The following ZNF616 variants were observed in gnomAD, a reference collection of about 807,000 sequenced individuals.
ZNF616 encodes zinc finger protein 616.
In ZNF616, 5 loss-of-function variants were observed where a neutral mutation model predicts 7.6. The ratio of observed to expected loss-of-function variants is 0.66; its 90% CI spans 0.34 to 1.38. The LOEUF (loss-of-function observed/expected upper bound fraction) is 1.38, where lower values mean the gene tolerates loss of function less well. Among genes scored for constraint, ZNF616 ranks in the 40% most tolerant of loss-of-function variants. The pLI is 0.04. For synonymous variants in ZNF616, 319 were observed against 317.2 expected (o/e 1.01, Z -0.06); for missense variants, 913 against 948.3 (o/e 0.96, Z 0.49).
Position 52,115,639 on chromosome 19 carries a change from C to A in ZNF616, c.1525G>T (p.Ala509Ser), listed in dbSNP as rs781369510. The A allele has an allele frequency of 6.2e-7, 1 of 1,613,600 alleles. No homozygotes were observed. Among genetic ancestry groups the A allele is most frequent in the East Asian group, 2.2e-5 (1 of 44,754 alleles). Reference protein sequence around the residue: ...GKVFSQHSRLAVHRRIHTGEK... With the variant: ...GKVFSQHSRLSVHRRIHTGEK... ...CCAGTATGAATTCTCCGATGCACTG[C>A]AAGACGTGAATGTTGACTGAAGACC... is the stretch of plus-strand genomic sequence containing the variant. Residue 509 changes from alanine to serine, a missense_variant, in exon 4 of 4, where the codon GCA (alanine) becomes TCA (serine). Ala to Ser is a moderately conservative substitution (Grantham distance 99). Coordinates refer to ENST00000600228, the MANE Select transcript of ZNF616 (RefSeq NM_178523.5).
At chr19:52,123,890 G>A (rs780789620) in intron 3 of ZNF616, 33 bp downstream of exon 3, 13 of 1,612,852 alleles carry the variant, frequency 8.1e-6, no homozygotes, top group African/African-American at 5.3e-5. Flanking sequence ...GCACAAGGGC[G>A]AATCTGAACT....
chr19:52,129,150 C>T (rs1350269269), intron 2 of ZNF616, among the ~76,000 whole-genome samples: 6 of 151,654 alleles, frequency 4.0e-5, no homozygotes, highest in African/African-American at 1.5e-4. Context: ...TGGTGGTGCA[C>T]GCCTGTAATC....
chr19:52,126,918 G>A (rs1365360995), intron 2 of ZNF616, among the ~76,000 whole-genome samples: 1 of 151,926 alleles, frequency 6.6e-6, no homozygotes, highest in African/African-American at 2.4e-5. Flanking sequence ...CTTTACATAA[G>A]CAAACAAGCT....
chr19:52,117,865 T>C (rs2088838534), intron 3 of ZNF616, among the ~76,000 whole-genome samples: 2 of 152,076 alleles, frequency 1.3e-5, no homozygotes, highest in Non-Finnish European at 2.9e-5. Context: ...TAATACAGAA[T>C]AAAAAGTGGG....
chr19:52,120,831 C>G (rs988351169), intron 3 of ZNF616, among the ~76,000 whole-genome samples: 4 of 152,028 alleles, frequency 2.6e-5, no homozygotes, highest in African/African-American at 9.7e-5. Flanking sequence ...AGAAACATAA[C>G]TAAAGGGAGA....
At chr19:52,119,324 C>A (rs941239419) in intron 3 of ZNF616, among the ~76,000 whole-genome samples, 1 of 149,368 alleles carries the variant, frequency 6.7e-6, no homozygotes, top group Non-Finnish European at 1.5e-5. Context: ...TACAGTGAGC[C>A]GAGATCACAC....
intron 3 of ZNF616, among the ~76,000 whole-genome samples, chr19:52,122,004 G>C (rs886161097): frequency 2.0e-5 from 3 of 151,732 alleles, no homozygotes; most frequent in Non-Finnish European, 4.4e-5. Context: ...TGGGCTACAT[G>C]TATAATAAAG....
intron 2 of ZNF616, among the ~76,000 whole-genome samples, chr19:52,126,521 T>TA (rs1248365320): frequency 1.3e-5 from 2 of 149,728 alleles, no homozygotes; most frequent in East Asian, 3.9e-4. Flanking sequence ...TCTCCAAAAA[T>TA]AAAGAAAATG....
At chr19:52,127,979 G>A (rs375862825) in intron 2 of ZNF616, among the ~76,000 whole-genome samples, 2 of 152,132 alleles carry the variant, frequency 1.3e-5, no homozygotes, top group African/African-American at 4.8e-5. Context: ...TACAACTGTA[G>A]CTCCCCACGG....
At chr19:52,126,011 G>A (rs566783195) in intron 2 of ZNF616, among the ~76,000 whole-genome samples, 1 of 152,236 alleles carries the variant, frequency 6.6e-6, no homozygotes, top group South Asian at 2.1e-4. Flanking sequence ...AAAAAGCATG[G>A]GAAGTCTCCA....
intron 3 of ZNF616, among the ~76,000 whole-genome samples, chr19:52,121,357 G>T (rs185411702): frequency 2.6e-5 from 4 of 152,126 alleles, no homozygotes; most frequent in African/African-American, 7.2e-5. Flanking sequence ...TAAAACTAGA[G>T]ATCAACAGCA....
chr19:52,136,143 G>GC (rs779424257), intron 1 of ZNF616, among the ~76,000 whole-genome samples: 2 of 100,852 alleles, frequency 2.0e-5, no homozygotes, highest in African/African-American at 8.2e-5. Context: ...AAAAAAAAAA[G>GC]CGGGGGGGGG....
chr19:52,129,897 C>T (rs747369455), intron 2 of ZNF616, among the ~76,000 whole-genome samples: 11 of 152,058 alleles, frequency 7.2e-5, no homozygotes, highest in Admixed American at 2.6e-4. Flanking sequence ...ATTCTCCCGC[C>T]TCAGCCTCCT....
At chr19:52,118,997 C>A (rs1012212243) in intron 3 of ZNF616, among the ~76,000 whole-genome samples, 1 of 152,136 alleles carries the variant, frequency 6.6e-6, no homozygotes, top group Admixed American at 6.5e-5. Context: ...CAGGTCACCC[C>A]AAATACTAAG....
chr19:52,115,413 T>C lies in ZNF616; in HGVS notation c.1751A>G (p.Lys584Arg). The change falls in exon 4 of 4, where the codon AAG becomes AGG. Residue 584 changes from lysine (K) to arginine (R), a missense_variant. Coordinates refer to ENST00000600228, the MANE Select transcript of ZNF616 (RefSeq NM_178523.5). ...AAGATGTGAATACTGACTGTAGACC[T>C]TGCCGCATTCATTGCATTTGTAAGG... is the stretch of plus-strand genomic sequence containing the variant. The part of the protein sequence containing the change: ...EKPYKCNECG[K>R]VYSQYSHLVG... 6 of 1,614,064 alleles carry C rather than the reference T, an allele frequency of 3.7e-6. No homozygotes were observed. Among genetic ancestry groups the C allele is most frequent in the Non-Finnish European group, 5.1e-6 (6 of 1,180,022 alleles).
rs1403363987 is a variant in ZNF616 at position 52,116,613 on chromosome 19, GT to G, written c.550del (p.Thr184ArgfsTer45). The part of the protein sequence containing the change: ...CLVSPHIREK[T>X]YVCNECGKAF... ...TTTGCCACATTCATTACATACATACGTTTTTTCCCTAATGTGTGGAGAAACT... is the reference window on the plus strand; with the variant it reads ...TTTGCCACATTCATTACATACATACGTTTTTCCCTAATGTGTGGAGAAACT... On this transcript the variant is annotated frameshift_variant, in exon 4 of 4. Coordinates refer to ENST00000600228, the MANE Select transcript of ZNF616 (RefSeq NM_178523.5). LOFTEE classifies it low-confidence loss of function (END_TRUNC). 20 of 1,613,894 alleles carry G rather than the reference GT, an allele frequency of 1.2e-5. No individual in the cohort carries two copies. The highest frequency in any genetic ancestry group is 1.7e-5 in the Non-Finnish European group (20 of 1,179,990).
chr19:52,131,601 C>A (rs771613349), intron 1 of ZNF616, among the ~76,000 whole-genome samples: 1 of 152,180 alleles, frequency 6.6e-6, no homozygotes, highest in Non-Finnish European at 1.5e-5. Context: ...CAGACAACAC[C>A]TCATTCTTAA....
At chr19:52,127,258 T>C (rs2088917552) in intron 2 of ZNF616, among the ~76,000 whole-genome samples, 1 of 152,166 alleles carries the variant, frequency 6.6e-6, no homozygotes, top group African/African-American at 2.4e-5. Flanking sequence ...TTTCACCATG[T>C]TGGCCAGGCT....
At chr19:52,134,141 G>A (rs114196216) in intron 1 of ZNF616, among the ~76,000 whole-genome samples, 1,656 of 152,144 alleles carry the variant, frequency 0.011, 35 homozygotes, top group African/African-American at 0.038. Context: ...CATGCTAAAC[G>A]CCACATTAGC....
Sources: allele counts gnomAD v4.1 joint callset (sites outside exome capture counted in the v4.1 genomes callset), GRCh38; gene constraint gnomAD v4.1.1; transcripts MANE v1.5; gene names NCBI Gene and HGNC (gene_info 2026-07-23, HGNC 2026-07-21).